ZNF568: variants seen among roughly 807,000 people sequenced by gnomAD.
The protein encoded by ZNF568 is p53 inhibitor of SCO2 activation.
ZNF568 carries 11 observed loss-of-function variants against 18.1 expected under a neutral mutation model. That is an observed-to-expected ratio of 0.61 (90% confidence interval 0.38 to 1.00). ZNF568 has a LOEUF of 1.00. Among genes scored for constraint, ZNF568 ranks in the 50% least tolerant of loss-of-function variants. The pLI is 0.01. For missense variants in ZNF568, 639 were observed against 768.2 expected (o/e 0.83, Z 1.99); for synonymous variants, 213 against 246.6 (o/e 0.86, Z 1.28).
At chr19:36,957,314 C>G (rs1437018859), downstream of ZNF568, among the ~76,000 whole-genome samples, 1 of 141,456 alleles carries the variant, frequency 7.1e-6, no homozygotes, top group Admixed American at 7.6e-5. Context: ...TCACTGCAAT[C>G]TCTGCCTCCC....
chr19:36,936,651 T>C (rs2073794987), intron 4 of ZNF568, 95 bp from the exon 5 acceptor site: 1 of 1,233,388 alleles, frequency 8.1e-7, no homozygotes, highest in East Asian at 2.4e-5. Flanking sequence ...CTCCTACCTC[T>C]GACCCCTGAG....
chr19:36,979,055 C>A, exon 8 of ZNF568: 1 of 311,956 alleles, frequency 3.2e-6, no homozygotes, highest in Admixed American at 4.5e-5. Flanking sequence ...GCGATCTCAG[C>A]TCACCGCAAC....
At chr19:36,962,941 T>TATA (rs1366505973) in intron 6 of ZNF568, among the ~76,000 whole-genome samples, 1 of 152,178 alleles carries the variant, frequency 6.6e-6, no homozygotes, top group Admixed American at 6.5e-5. Flanking sequence ...ACAATGTGAA[T>TATA]ATAATTGTGC....
At chr19:36,995,029 C>A (rs993700339) in intron 4 of ZNF568, among the ~76,000 whole-genome samples, 3 of 152,028 alleles carry the variant, frequency 2.0e-5, no homozygotes, top group African/African-American at 7.2e-5. Context: ...TATTTTACCT[C>A]ATTTTTGGTT....
At chr19:36,985,549 G>A (rs984270764) in intron 2 of ZNF568, among the ~76,000 whole-genome samples, 19 of 151,884 alleles carry the variant, frequency 1.3e-4, no homozygotes, top group East Asian at 1.2e-3. Flanking sequence ...TTAAGACACA[G>A]TCTCACTGTG....
downstream of ZNF568, among the ~76,000 whole-genome samples, chr19:36,984,216 A>G (rs1477897056): frequency 1.3e-5 from 2 of 152,028 alleles, no homozygotes; most frequent in Non-Finnish European, 2.9e-5. Flanking sequence ...TTGTTCTTTA[A>G]CGAGAGTATT....
At chr19:36,979,352 G>C (rs1446201003) in exon 8 of ZNF568, 1 of 152,400 alleles carries the variant, frequency 6.6e-6, no homozygotes, top group Non-Finnish European at 1.5e-5. Context: ...ATATTAAGGG[G>C]GACTGAACAC....
intron 4 of ZNF568, among the ~76,000 whole-genome samples, chr19:36,935,559 CAA>C (rs35289380): frequency 0.42 from 53,119 of 126,910 alleles, 10,400 homozygotes; most frequent in African/African-American, 0.5. Context: ...GACTCTGTAT[CAA>C]AAAAAAAAAA....
At chr19:36,961,528 GTTATTA>G (rs1054411836) in intron 6 of ZNF568, among the ~76,000 whole-genome samples, 1 of 151,632 alleles carries the variant, frequency 6.6e-6, no homozygotes, top group Non-Finnish European at 1.5e-5. Context: ...TATATTCAAA[GTTATTA>G]TTATTATTAT....
chr19:36,939,800 A>G (rs970409856), intron 6 of ZNF568, among the ~76,000 whole-genome samples: 1 of 152,014 alleles, frequency 6.6e-6, no homozygotes, highest in African/African-American at 2.4e-5. Flanking sequence ...CGGCCTCCCA[A>G]AGTGCTGGGA....
chr19:36,991,774 GTGATCTCC>G lies in ZNF568; in HGVS notation c.159_166del (p.Ser55GlyfsTer10), dbSNP rs1174512569. 5.1e-6 allele frequency: 8 copies of G among 1,579,172 alleles called. No homozygotes were observed. Among genetic ancestry groups the G allele is most frequent in the Non-Finnish European group, 6.8e-6 (8 of 1,169,730 alleles). ...AGGGCTTTCTGATACTAAGCCAAAT[GTGATCTCC>G]TTATTGGAGCAGAAGAAAGAGCCCT... On this transcript the variant is annotated frameshift_variant, in exon 4 of 5. Transcript: ENST00000433993. LOFTEE classifies it high-confidence loss of function.
At chr19:36,983,911 T>TTTTTTTTTTTG (rs1300895800), downstream of ZNF568, among the ~76,000 whole-genome samples, 3 of 144,582 alleles carry the variant, frequency 2.1e-5, no homozygotes, top group African/African-American at 7.9e-5. Context: ...TTTTTTTTTT[T>TTTTTTTTTTTG]TTGTTGAGAC....
At chr19:36,996,329 G>T (rs887360438) in exon 5 of ZNF568, 1 of 1,530,358 alleles carries the variant, frequency 6.5e-7, no homozygotes, top group African/African-American at 1.4e-5. Context: ...TGGGAGTTTG[G>T]AAGAGAAACC....
At chr19:36,955,876 G>A (rs554884147), downstream of ZNF568, among the ~76,000 whole-genome samples, 1 of 152,266 alleles carries the variant, frequency 6.6e-6, no homozygotes, top group Non-Finnish European at 1.5e-5. Flanking sequence ...GAAACTGGCT[G>A]GCCGGTGGAC....
chr19:36,934,501 T>C (rs755729692), intron 4 of ZNF568, among the ~76,000 whole-genome samples: 5 of 152,014 alleles, frequency 3.3e-5, no homozygotes, highest in Non-Finnish European at 7.4e-5. Context: ...TTTGTATTTT[T>C]TGTAGAGATG....
intron 6 of ZNF568, among the ~76,000 whole-genome samples, chr19:36,941,619 C>T (rs2073880000): frequency 6.6e-6 from 1 of 152,106 alleles, no homozygotes; most frequent in Non-Finnish European, 1.5e-5. Flanking sequence ...GGAATTTGAA[C>T]TTTATGAAAA....
intron 2 of ZNF568, among the ~76,000 whole-genome samples, chr19:36,988,634 G>A (rs2074397127): frequency 6.6e-6 from 1 of 152,064 alleles, no homozygotes; most frequent in African/African-American, 2.4e-5. Flanking sequence ...GTCACCTCCC[G>A]CCAGGCCCTC....
intron 6 of ZNF568, among the ~76,000 whole-genome samples, chr19:36,948,578 G>A (rs944995991): frequency 1.3e-5 from 2 of 151,418 alleles, no homozygotes; most frequent in Non-Finnish European, 2.9e-5. Context: ...AGTCCCACCA[G>A]CAATGAGTGA....
chr19:36,937,270 G>A, intron 6 of ZNF568, 28 bp downstream of exon 6: 1 of 1,587,734 alleles, frequency 6.3e-7, no homozygotes, highest in Non-Finnish European at 8.6e-7. Context: ...AGCTCTGAAT[G>A]AGAAAGCCAC....
Sources: gnomAD v4.1 joint callset for allele counts (sites outside exome capture counted in the v4.1 genomes callset) on GRCh38, gnomAD v4.1.1 for gene constraint, MANE v1.5 for transcripts, NCBI Gene and HGNC (gene_info 2026-07-23, HGNC 2026-07-21) for gene names.